Variants in NIT2 observed in about 807,000 individuals in gnomAD.
NIT2 encodes the protein omega-amidase NIT2.
Under a neutral mutation model 42.7 loss-of-function variants are expected in NIT2, and 46 were observed. The observed-to-expected ratio is 1.08, with a 90% CI of 0.85 to 1.38. NIT2 has a LOEUF of 1.38. Among genes scored for constraint, NIT2 ranks in the 40% most tolerant of loss-of-function variants. The pLI, the probability that NIT2 is intolerant of heterozygous loss-of-function variation, is 0.00. For missense variants in NIT2, 309 were observed against 342.5 expected (o/e 0.90, Z 0.77); for synonymous variants, 123 against 121.9 (o/e 1.01, Z -0.06).
chr3:100,355,339 T>A lies in NIT2; in HGVS notation c.*71T>A. Reference sequence around the variant, plus strand: ...CAACATAATCAACTCCCTATTAAATTCTTTAATGAAGATTTTTTTTTTAAT... The same window carrying A: ...CAACATAATCAACTCCCTATTAAATACTTTAATGAAGATTTTTTTTTTAAT... On this transcript the variant is annotated 3_prime_UTR_variant, in exon 10 of 10. Coordinates refer to ENST00000394140, the MANE Select transcript of NIT2 (RefSeq NM_020202.5). 1.7e-6 allele frequency: 2 copies of A among 1,201,578 alleles called. No individual in the cohort carries two copies. The highest frequency in any genetic ancestry group is 2.4e-6 in the Non-Finnish European group (2 of 836,578). 74.4% of individuals were successfully genotyped at this position (1,201,578 alleles called of 1,614,324 possible). A position where few individuals can be genotyped will look rare whatever the true frequency, so the allele number is the denominator to read the frequency against.
intron 8 of NIT2, among the ~76,000 whole-genome samples, chr3:100,354,159 A>C (rs1346846431): frequency 6.6e-6 from 1 of 152,160 alleles, no homozygotes; most frequent in African/African-American, 2.4e-5. Context: ...TGCCAGTGTG[A>C]GGTTACCCTC....
At chr3:100,343,468 C>A (rs565675399) in intron 4 of NIT2, among the ~76,000 whole-genome samples, 3 of 151,994 alleles carry the variant, frequency 2.0e-5, no homozygotes, top group Non-Finnish European at 4.4e-5. Flanking sequence ...TTTCTTCTGT[C>A]TTCTTCAATT....
At chr3:100,345,759 A>T in intron 5 of NIT2, 81 bp downstream of exon 5, 3 of 842,900 alleles carry the variant, frequency 3.6e-6, no homozygotes, top group Non-Finnish European at 5.9e-6. Context: ...TCTCTCTCCG[A>T]TTTCTTCACA....
At chr3:100,339,694 G>A (rs1165583957) in intron 2 of NIT2, 121 bp from the exon 3 acceptor site, 2 of 911,716 alleles carry the variant, frequency 2.2e-6, no homozygotes, top group African/African-American at 1.7e-5. Flanking sequence ...TTTCTTATTA[G>A]CTGTGTTTTA....
intron 4 of NIT2, among the ~76,000 whole-genome samples, chr3:100,344,648 T>C (rs914027672): frequency 2.0e-5 from 3 of 152,208 alleles, no homozygotes; most frequent in African/African-American, 4.8e-5. Flanking sequence ...TTTTCTGTTT[T>C]TGTTTTTGTT....
chr3:100,357,464 ATT>A lies in NIT2; in HGVS notation c.*2199_*2200del, dbSNP rs1187892732. On this transcript the variant is annotated 3_prime_UTR_variant, in exon 10 of 10. Transcript: ENST00000394140. Reference sequence around the variant, plus strand: ...GTGGAACCTAGGAACCTTCTCTTGGATTTTCTCTTATTCCCCAAAAAACTTCA... The same window carrying A: ...GTGGAACCTAGGAACCTTCTCTTGGATTCTCTTATTCCCCAAAAAACTTCA... The A allele has an allele frequency of 6.6e-6, 1 of 151,922 alleles. No homozygotes were observed. The highest frequency in any genetic ancestry group is 1.9e-4 in the East Asian group (1 of 5,190). The allele number at this position is 151,922 out of a possible 1,614,324, so 9.4% of individuals were successfully genotyped here.
chr3:100,337,802 C>G (rs1706095536), intron 1 of NIT2, among the ~76,000 whole-genome samples: 1 of 152,174 alleles, frequency 6.6e-6, no homozygotes, highest in Non-Finnish European at 1.5e-5. Flanking sequence ...GTGGCTCATG[C>G]TTATAATCGC....
At chr3:100,348,718 T>G (rs1301643798) in intron 6 of NIT2, 85 bp from the exon 7 acceptor site, 5 of 1,060,454 alleles carry the variant, frequency 4.7e-6, no homozygotes, top group African/African-American at 1.6e-5. Flanking sequence ...TGAGTTCAGT[T>G]CCTGCTAGAT....
chr3:100,355,092 G>A, intron 9 of NIT2, 85 bp from the exon 10 acceptor site: 1 of 982,810 alleles, frequency 1.0e-6, no homozygotes, highest in Non-Finnish European at 1.6e-6. Flanking sequence ...TAAGACTCTG[G>A]TGGTTTATAC....
chr3:100,352,598 G>T (rs942339296), intron 8 of NIT2, 96 bp downstream of exon 8: 9 of 826,940 alleles, frequency 1.1e-5, no homozygotes, highest in Non-Finnish European at 1.6e-5. Flanking sequence ...GCAGCCAGGC[G>T]CTCACTTCTC....
chr3:100,344,769 C>G (rs1433379388), intron 4 of NIT2, among the ~76,000 whole-genome samples: 1 of 151,520 alleles, frequency 6.6e-6, no homozygotes, highest in Non-Finnish European at 1.5e-5. Flanking sequence ...TTTCAGCTTC[C>G]CAAGTGGCTG....
Position 100,339,958 on chromosome 3 carries a change from TAATGACCTAAAC to T in NIT2, c.247+25_247+36del. On this transcript the variant is annotated intron_variant, in intron 3 of 9. Coordinates refer to ENST00000394140, the MANE Select transcript of NIT2 (RefSeq NM_020202.5). ...GAGGTAACTTCCTACCCACAAGGTA[TAATGACCTAAAC>T]ATTAGAAACATCTGAATGAGTCAGG... The T allele has an allele frequency of 2.5e-6, 4 of 1,603,022 alleles. 1 individual carries two copies. The South Asian group carries it at 4.5e-5, about 18-fold the overall frequency.
intron 1 of NIT2, among the ~76,000 whole-genome samples, chr3:100,337,752 G>A (rs1275964228): frequency 1.3e-5 from 2 of 152,082 alleles, no homozygotes; most frequent in East Asian, 1.9e-4. Context: ...CACACCCGGC[G>A]GAAAATTTTA....
At position 100,361,040 on chromosome 3, in the gene NIT2, A is replaced by G. The variant is rs982745666; in HGVS notation, c.*5772A>G. ...GTGGCTCAAACTCATGTTGCTTGCT[A>G]TGTTCTAAATAATTAAGTCTGTTGT... is the stretch of plus-strand genomic sequence containing the variant. On this transcript the variant is annotated 3_prime_UTR_variant, in exon 10 of 10. Coordinates refer to ENST00000394140, the MANE Select transcript of NIT2 (RefSeq NM_020202.5). 4 of 152,852 alleles carry G rather than the reference A, an allele frequency of 2.6e-5. No homozygotes were observed. The highest frequency in any genetic ancestry group is 3.8e-4 in the East Asian group (2 of 5,200). The allele number at this position is 152,852 out of a possible 1,614,324, so 9.5% of individuals were successfully genotyped here.
chr3:100,346,504 A>G (rs568239599), intron 6 of NIT2, among the ~76,000 whole-genome samples: 1 of 152,174 alleles, frequency 6.6e-6, no homozygotes, highest in Non-Finnish European at 1.5e-5. Flanking sequence ...TCTACCCTTG[A>G]GTCCTTGTTA....
rs781335898 is a variant in NIT2 at position 100,355,282 on chromosome 3, A to G, written c.*14A>G. 9 of 1,565,918 alleles carry G rather than the reference A, an allele frequency of 5.7e-6. No individual in the cohort carries two copies. The East Asian group carries it at 2.0e-4, about 35-fold the overall frequency. ...AAAAAGCCCTAAAGTTTATGTTTCTAATGTGTCACAGAATAGGACGATATG... is the reference window on the plus strand; with the variant it reads ...AAAAAGCCCTAAAGTTTATGTTTCTGATGTGTCACAGAATAGGACGATATG... On this transcript the variant is annotated 3_prime_UTR_variant, in exon 10 of 10. Transcript: ENST00000394140.
Position 100,360,721 on chromosome 3 carries a change from CAT to C in NIT2, c.*5455_*5456del, listed in dbSNP as rs1261471580. 1 of 152,204 alleles carries C rather than the reference CAT, an allele frequency of 6.6e-6. No homozygotes were observed. The highest frequency in any genetic ancestry group is 1.5e-5 in the Non-Finnish European group (1 of 68,046). The allele number at this position is 152,204 out of a possible 1,614,324, so 9.4% of individuals were successfully genotyped here. Reference sequence around the variant, plus strand: ...TAAGCTTGAGATGCATAAAAGAACACATAGAGATGGGGAGTCAGTTCTCCATA... The same window carrying C: ...TAAGCTTGAGATGCATAAAAGAACACAGAGATGGGGAGTCAGTTCTCCATA... On this transcript the variant is annotated 3_prime_UTR_variant, in exon 10 of 10. Transcript: ENST00000394140.
intron 8 of NIT2, 40 bp downstream of exon 8, chr3:100,352,542 G>A (rs528266587): frequency 2.7e-5 from 41 of 1,516,538 alleles, no homozygotes; most frequent in African/African-American, 8.2e-5. Flanking sequence ...GTCGGAGCTT[G>A]AGCTTGAGTG....
rs1279098666 is a variant in NIT2 at position 100,356,019 on chromosome 3, A to T, written c.*751A>T. On this transcript the variant is annotated 3_prime_UTR_variant, in exon 10 of 10. Transcript: ENST00000394140. The stretch of plus-strand genomic sequence containing the variant: ...TTTCTAGCTCCACGGATAAGGAATC[A>T]CTGAACCTAGTAGTTCTTAGACAGC... The T allele has an allele frequency of 6.6e-6, 1 of 152,180 alleles. No homozygotes were observed. Among genetic ancestry groups the T allele is most frequent in the Non-Finnish European group, 1.5e-5 (1 of 68,044 alleles). 9.4% of individuals were successfully genotyped at this position (152,180 alleles called of 1,614,324 possible).
Sources: allele counts gnomAD v4.1 joint callset (sites outside exome capture counted in the v4.1 genomes callset), GRCh38; gene constraint gnomAD v4.1.1; transcripts MANE v1.5; gene names NCBI Gene and HGNC (gene_info 2026-07-23, HGNC 2026-07-21).